HR: variants seen among roughly 807,000 people sequenced by gnomAD.
HR encodes the protein HR lysine demethylase and nuclear receptor corepressor, also known as lysine-specific demethylase hairless.
HR carries 83 observed loss-of-function variants against 128.6 expected under a neutral mutation model. That is an observed-to-expected ratio of 0.65 (90% CI 0.54 to 0.77). The LOEUF is 0.77. Ranked by LOEUF, HR falls within the 30% of genes least tolerant of loss-of-function variation. The pLI is 0.00. For synonymous variants in HR, 681 were observed against 658.2 expected (o/e 1.03, Z -0.53); for missense variants, 1,490 against 1,574.6 (o/e 0.95, Z 0.91).
At chr8:22,121,720 C>G (rs200978549) in intron 8 of HR, 26 bp from the exon 9 acceptor site, 56 of 1,605,128 alleles carry the variant, frequency 3.5e-5, no homozygotes, top group Middle Eastern at 1.7e-4. Flanking sequence ...ACCACCCCCC[C>G]AATCCAACCA....
chr8:22,117,691 G>A (rs1468212220), intron 16 of HR: 1 of 152,384 alleles, frequency 6.6e-6, no homozygotes, highest in Non-Finnish European at 1.5e-5. Flanking sequence ...GGCAGGCAGG[G>A]ACTCGCAGAG....
At chr8:22,124,698 C>G (rs538822993) in intron 5 of HR, among the ~76,000 whole-genome samples, 1 of 152,238 alleles carries the variant, frequency 6.6e-6, no homozygotes, top group South Asian at 2.1e-4. Context: ...TTTCATTCAC[C>G]AGGTAGAAAG....
At chr8:22,127,888 A>G in intron 2 of HR, 59 bp from the exon 3 acceptor site, 1 of 1,504,604 alleles carries the variant, frequency 6.6e-7, no homozygotes, top group Non-Finnish European at 9.1e-7. Context: ...GCCTAAATGG[A>G]TGGGCAGAAC....
At chr8:22,121,028 C>A (rs748681773) in intron 10 of HR, 37 bp downstream of exon 10, 5 of 1,613,018 alleles carry the variant, frequency 3.1e-6, no homozygotes, top group African/African-American at 2.7e-5. Context: ...GCCTCTGGTC[C>A]CCTGGCTCCT....
Position 22,123,772 on chromosome 8 carries a change from G to A in HR, c.1792C>T (p.Arg598Cys), listed in dbSNP as rs200769181. The A allele has an allele frequency of 2.6e-5, 42 of 1,603,296 alleles. 1 individual carries two copies. Among genetic ancestry groups the A allele is most frequent in the African/African-American group, 2.5e-4 (19 of 74,964 alleles). ...AVTEDSPGIP[R>C]CCSRCHHGLF... ...CCATGGTGGCAACGGCTGCAGCAGCGTGGAATGCCTGGGCTGTCCTCTGTC... is the reference window on the plus strand; with the variant it reads ...CCATGGTGGCAACGGCTGCAGCAGCATGGAATGCCTGGGCTGTCCTCTGTC... The change falls in exon 6 of 19, where the codon CGC (arginine) becomes TGC (cysteine). Residue 598 changes from arginine (R) to cysteine (C), a missense_variant. This residue lies in a region of HR where 1,060 missense variants were observed against 1,060.9 expected (regional missense o/e 1.00). Coordinates refer to ENST00000381418, the MANE Select transcript of HR (RefSeq NM_005144.5).
At position 22,115,253 on chromosome 8, in the gene HR, T is replaced by A. The variant is rs1253579828; in HGVS notation, c.*447A>T. The A allele has an allele frequency of 3.8e-6, 1 of 262,698 alleles. No individual in the cohort carries two copies. Among genetic ancestry groups the A allele is most frequent in the Non-Finnish European group, 7.5e-6 (1 of 133,986 alleles). The allele number at this position is 262,698 out of a possible 1,614,324, so 16.3% of individuals were successfully genotyped here. On this transcript the variant is annotated 3_prime_UTR_variant, in exon 19 of 19. Coordinates refer to ENST00000381418, the MANE Select transcript of HR (RefSeq NM_005144.5). The stretch of plus-strand genomic sequence containing the variant: ...AAGGTTGGAGGCCCCTTGTTCAGCA[T>A]GCCTGCAGTGAGCCCAGTGAGGATG...
At chr8:22,115,808 G>GTCCACCCGCTGTC (rs762578494) in intron 18 of HR, 46 bp from the exon 19 acceptor site, 131 of 1,575,430 alleles carry the variant, frequency 8.3e-5, no homozygotes, top group Middle Eastern at 1.7e-4. Flanking sequence ...ACATTCCTGG[G>GTCCACCCGCTGTC]CCCACCCGCT....
chr8:22,127,850 T>TA (rs1365413864), intron 2 of HR, 21 bp from the exon 3 acceptor site: 1 of 1,597,856 alleles, frequency 6.3e-7, no homozygotes, highest in African/African-American at 1.3e-5. Flanking sequence ...GAGAAAGTGT[T>TA]ACGCTTCAGC....
At position 22,115,646 on chromosome 8, in the gene HR, G is replaced by A; in HGVS notation, c.*54C>T. Reference sequence around the variant, plus strand: ...CATCCCCTGCTGAAGTTGTGCCTGGGCTGAGCACCTGGTCTACCTGTCCCC... The same window carrying A: ...CATCCCCTGCTGAAGTTGTGCCTGGACTGAGCACCTGGTCTACCTGTCCCC... On this transcript the variant is annotated 3_prime_UTR_variant, in exon 19 of 19. Coordinates refer to ENST00000381418, the MANE Select transcript of HR (RefSeq NM_005144.5). 6.6e-7 allele frequency: 1 copy of A among 1,523,210 alleles called. No individual in the cohort carries two copies. The highest frequency in any genetic ancestry group is 9.1e-7 in the Non-Finnish European group (1 of 1,097,900). 94.4% of individuals were successfully genotyped at this position (1,523,210 alleles called of 1,614,324 possible). A position where few individuals can be genotyped will look rare whatever the true frequency, so the allele number is the denominator to read the frequency against.
In HR at chr8:22,127,598, A is replaced by C; in HGVS notation, c.844T>G (p.Cys282Gly). ...AGAGTATGAACAAGGCCTGGGGGAC[A>C]AGCGGGCCAGGAGGTCCAGGGCACA... ...DTVPWTSWPA[C>G]PPGLVHTLGN... The change falls in exon 3 of 19, where the codon TGT (cysteine) becomes GGT (glycine). Residue 282 changes from cysteine (C) to glycine (G), a missense_variant. Physicochemically the swap from Cys to Gly is radical, Grantham distance 159 (BLOSUM62 -3). Around this residue, in one of 3 missense-constraint regions of HR, gnomAD observed 1,060 missense variants for 1,060.9 expected, o/e 1.00. Transcript: ENST00000381418. The C allele has an allele frequency of 1.2e-6, 2 of 1,611,990 alleles. No homozygotes were observed. The highest frequency in any genetic ancestry group is 1.7e-6 in the Non-Finnish European group (2 of 1,179,748).
At position 22,128,757 on chromosome 8, in the gene HR, G is replaced by A. The variant is rs770012381; in HGVS notation, c.414C>T (p.Phe138=). ...GAAGGAAAGGGCAGTGCCAGGGCCG[G>A]AAGGCCACAGGGTCACTCTTGAGAT... ...GGHLKSDPVA[F]RPWHCPFLLE... Residue 138 remains phenylalanine (F), a synonymous_variant, in exon 2 of 19, where the codon TTC becomes TTT. Transcript: ENST00000381418. The A allele has an allele frequency of 2.5e-6, 4 of 1,604,056 alleles. No individual in the cohort carries two copies. The highest frequency in any genetic ancestry group is 1.3e-5 in the African/African-American group (1 of 74,882).
rs772209791 is a variant in HR, at chr8:22,127,060, G to C, written c.1382C>G (p.Ser461Trp). The stretch of plus-strand genomic sequence containing the variant: ...ACCTTTCTGCTCATCATGCTGTCCC[G>C]AGTCCACATCCTTGTTCCCTATCGA... ...DTSIGNKDVD[S>W]GQHDEQKGPQ... Residue 461 changes from serine to tryptophan, a missense_variant, in exon 3 of 19, where the codon TCG (serine) becomes TGG (tryptophan). Coordinates refer to ENST00000381418, the MANE Select transcript of HR (RefSeq NM_005144.5). 1.2e-6 allele frequency: 2 copies of C among 1,612,020 alleles called. No individual in the cohort carries two copies. Among genetic ancestry groups the C allele is most frequent in the East Asian group, 2.2e-5 (1 of 44,860 alleles).
intron 13 of HR, 32 bp downstream of exon 13, chr8:22,120,072 G>A (rs1455073863): frequency 1.9e-6 from 3 of 1,572,568 alleles, no homozygotes; most frequent in Non-Finnish European, 2.6e-6. Flanking sequence ...CGGTGGCGGG[G>A]AGGTAGGGCT....
At position 22,121,694 on chromosome 8, in the gene HR, T is replaced by C; in HGVS notation, c.2122A>G (p.Lys708Glu). The change falls in exon 9 of 19, where the codon AAG becomes GAG. Residue 708 changes from lysine (K) to glutamate (E), a missense_variant and splice_region_variant. Lys to Glu is a moderately conservative substitution (Grantham distance 56, BLOSUM62 1). Coordinates refer to ENST00000381418, the MANE Select transcript of HR (RefSeq NM_005144.5). ...VWAPGDAGQQKESTQKTPPTP... is the reference protein window; with the variant it reads ...VWAPGDAGQQEESTQKTPPTP... Reference sequence around the variant, plus strand: ...GGGGGCGTTTTCTGTGTTGATTCCTTCTGTTAAACCCATCCACCACCCCCC... The same window carrying C: ...GGGGGCGTTTTCTGTGTTGATTCCTCCTGTTAAACCCATCCACCACCCCCC... The C allele has an allele frequency of 1.2e-6, 2 of 1,614,088 alleles. No individual in the cohort carries two copies. Among genetic ancestry groups the C allele is most frequent in the African/African-American group, 1.3e-5 (1 of 75,020 alleles).
At chr8:22,124,642 G>C (rs1443579031) in intron 5 of HR, among the ~76,000 whole-genome samples, 1 of 152,214 alleles carries the variant, frequency 6.6e-6, no homozygotes. Flanking sequence ...GGTGAGGATG[G>C]GAATGCGGGA....
rs373396496 is a variant in HR, at chr8:22,127,232, G to T, written c.1210C>A (p.Pro404Thr). The T allele has an allele frequency of 1.1e-4, 173 of 1,612,954 alleles. No individual in the cohort carries two copies. The highest frequency in any genetic ancestry group is 1.4e-4 in the Non-Finnish European group (161 of 1,180,032). ...PRGCPEVEER[P>T]VARLRALKRA... Reference sequence around the variant, plus strand: ...TTGAGGGCCCGGAGCCGAGCAACCGGCCTCTCCTCGACCTCAGGGCAGCCG... The same window carrying T: ...TTGAGGGCCCGGAGCCGAGCAACCGTCCTCTCCTCGACCTCAGGGCAGCCG... The change falls in exon 3 of 19, where the codon CCG becomes ACG. Residue 404 changes from proline to threonine, a missense_variant. Coordinates refer to ENST00000381418, the MANE Select transcript of HR (RefSeq NM_005144.5).
chr8:22,125,785 C>A (rs1826874979), intron 3 of HR, 53 bp from the exon 4 acceptor site: 15 of 1,597,674 alleles, frequency 9.4e-6, no homozygotes, highest in Admixed American at 1.7e-5. Flanking sequence ...CTGCTGAGAA[C>A]CCCATTCCTC....
In HR at chr8:22,120,113, T is replaced by A. The variant is rs1321326315; in HGVS notation, c.2837A>T (p.Asp946Val). 1 of 1,587,940 alleles carries A rather than the reference T, an allele frequency of 6.3e-7. No individual in the cohort carries two copies. Among genetic ancestry groups the A allele is most frequent in the Admixed American group, 1.8e-5 (1 of 54,602 alleles). ...LLLHRALGDEDTSRVENLAAS... is the reference protein window; with the variant it reads ...LLLHRALGDEVTSRVENLAAS... ...TTGGTGACATACACACCTGCTGGTG[T>A]CCTCATCCCCCAAAGCTCGGTGCAG... Residue 946 changes from aspartate to valine, a missense_variant, in exon 13 of 19, where the codon GAC becomes GTC. This residue lies in a region of HR where 423 missense variants were observed against 495.9 expected (regional missense o/e 0.85). Coordinates refer to ENST00000381418, the MANE Select transcript of HR (RefSeq NM_005144.5).
intron 18 of HR, among the ~76,000 whole-genome samples, chr8:22,115,983 A>T (rs1320597267): frequency 6.6e-6 from 1 of 152,014 alleles, no homozygotes; most frequent in East Asian, 1.9e-4. Flanking sequence ...ATCCCAAAAA[A>T]ATTTAACCAG....
Sources: gnomAD v4.1 joint callset for allele counts (sites outside exome capture counted in the v4.1 genomes callset) on GRCh38, gnomAD v4.1.1 for gene constraint, gnomAD v4.1.1 regional missense constraint, MANE v1.5 for transcripts, NCBI Gene and HGNC (gene_info 2026-07-23, HGNC 2026-07-21) for gene names.